Variants in PIKFYVE observed in about 807,000 individuals in gnomAD.
PIKFYVE encodes the protein 1-phosphatidylinositol 3-phosphate 5-kinase.
Under a neutral mutation model 257.9 loss-of-function variants are expected in PIKFYVE, and 122 were observed. That is an observed-to-expected ratio of 0.47 (90% CI 0.41 to 0.55). The LOEUF is 0.55. PIKFYVE is among the 20% of genes least tolerant of loss of function. The pLI is 0.00. For missense variants in PIKFYVE, 2,160 were observed against 2,536.6 expected, an observed-to-expected ratio of 0.85 and a Z score of 3.19; for synonymous variants, 892 against 868.9, an observed-to-expected ratio of 1.03 and a Z score of -0.47.
intron 11 of PIKFYVE, among the ~76,000 whole-genome samples, chr2:208,304,610 C>T (rs1013640645): frequency 1.3e-5 from 2 of 152,184 alleles, no homozygotes; most frequent in African/African-American, 4.8e-5. Flanking sequence ...ATCAGACTTT[C>T]TCTCTGCAGA....
intron 28 of PIKFYVE, among the ~76,000 whole-genome samples, chr2:208,337,606 T>G (rs1254842278): frequency 6.6e-6 from 1 of 152,098 alleles, no homozygotes; most frequent in African/African-American, 2.4e-5. Context: ...TCTAGATAGA[T>G]AGATATATCT....
Position 208,353,382 on chromosome 2 carries a change from C to T in PIKFYVE, c.5845-516C>T, listed in dbSNP as rs1272899973. ...GACCAGCATTGGTCTGTAGAATATA[C>T]TACAGGTTGTACTGGTCCTGGTACT... On this transcript the variant is annotated intron_variant, in intron 39 of 41. Coordinates refer to ENST00000264380, the MANE Select transcript of PIKFYVE (RefSeq NM_015040.4). Among the ~76,000 whole-genome samples, 3 of 152,234 alleles carry T rather than the reference C, an allele frequency of 2.0e-5. No individual in the cohort carries two copies. The East Asian group carries it at 5.8e-4, about 29-fold the overall frequency.
intron 37 of PIKFYVE, 111 bp downstream of exon 37, chr2:208,351,058 C>T: frequency 7.3e-7 from 1 of 1,368,628 alleles, no homozygotes; most frequent in Non-Finnish European, 1.0e-6. Flanking sequence ...CTATGACTTA[C>T]TAGTTTTAAC....
intron 2 of PIKFYVE, among the ~76,000 whole-genome samples, chr2:208,272,506 A>G (rs537486603): frequency 8.5e-5 from 13 of 152,214 alleles, no homozygotes; most frequent in Non-Finnish European, 1.8e-4. Flanking sequence ...TAAGGTGTAC[A>G]TGTAATGACA....
At chr2:208,267,470 A>G (rs1420130098) in intron 1 of PIKFYVE, among the ~76,000 whole-genome samples, 1 of 146,608 alleles carries the variant, frequency 6.8e-6, no homozygotes, top group Non-Finnish European at 1.5e-5. Flanking sequence ...AACATTTCCA[A>G]TATTCAGCTT....
In PIKFYVE at chr2:208,315,395, C is replaced by G. The variant is rs750240369; in HGVS notation, c.2007+22C>G. 4 of 1,612,364 alleles carry G rather than the reference C, an allele frequency of 2.5e-6. No individual in the cohort carries two copies. In the African/African-American group the frequency reaches 4.0e-5, roughly 16 times the overall value. On this transcript the variant is annotated intron_variant, in intron 15 of 41. Coordinates refer to ENST00000264380, the MANE Select transcript of PIKFYVE (RefSeq NM_015040.4). ...AAAAGTGAGCTCTGCTAATGTTTTA[C>G]TAATGCTAGGAACTGATGAGGCAGG...
rs1559156694 is a variant in PIKFYVE, at chr2:208,339,524, C to G, written c.4779C>G (p.Pro1593=). The change falls in exon 30 of 42, where the codon CCC becomes CCG. Residue 1593 remains proline, a synonymous_variant. Coordinates refer to ENST00000264380, the MANE Select transcript of PIKFYVE (RefSeq NM_015040.4). The part of the protein sequence containing the change: ...EVMSEQSVGG[P]PELDTASSSE... ...TGTCTGAACAGTCAGTGGGAGGGCC[C>G]CCTGAGCTAGATACAGCCAGCAGTT... 1 of 1,614,076 alleles carries G rather than the reference C, an allele frequency of 6.2e-7. No individual in the cohort carries two copies. Among genetic ancestry groups the G allele is most frequent in the Non-Finnish European group, 8.5e-7 (1 of 1,180,014 alleles).
In PIKFYVE at chr2:208,354,584, A is replaced by G. The variant is rs754152491; in HGVS notation, c.6120A>G (p.Thr2040=). ...LVVGIIDYIR[T]FTWDKKLEMV... is the part of the protein sequence containing the mutation. ...TCTACCCCCCAGATTATATTCGAAC[A>G]TTTACATGGGACAAAAAGCTTGAGA... The change falls in exon 41 of 42, where the codon ACA becomes ACG. Residue 2040 remains threonine (T), a synonymous_variant. Transcript: ENST00000264380. 1.9e-6 allele frequency: 3 copies of G among 1,612,772 alleles called. No homozygotes were observed. In the East Asian group the frequency reaches 6.7e-5, roughly 36 times the overall value.
chr2:208,354,512 C>A (rs1040934399), intron 40 of PIKFYVE, 59 bp from the exon 41 acceptor site: 16 of 1,400,244 alleles, frequency 1.1e-5, no homozygotes, highest in Non-Finnish European at 1.5e-5. Flanking sequence ...TTGCTGTTGT[C>A]ATTTGATTAT....
chr2:208,281,275 A>G lies in PIKFYVE; in HGVS notation c.613+3567A>G, dbSNP rs73983729. On this transcript the variant is annotated intron_variant, in intron 5 of 41. Transcript: ENST00000264380. Reference sequence around the variant, plus strand: ...TTTAGTGTAAGCCACCTTTTGGTCTATGTTTCAGCCAGTCATCTAAACAGA... The same window carrying G: ...TTTAGTGTAAGCCACCTTTTGGTCTGTGTTTCAGCCAGTCATCTAAACAGA... 1.6e-3 allele frequency among the ~76,000 whole-genome samples: 248 copies of G among 152,322 alleles called. 1 individual carries two copies. Among genetic ancestry groups the G allele is most frequent in the African/African-American group, 5.5e-3 (229 of 41,574 alleles).
chr2:208,304,748 TA>T, intron 11 of PIKFYVE, 97 bp from the exon 12 acceptor site: 2 of 1,237,024 alleles, frequency 1.6e-6, no homozygotes, highest in Non-Finnish European at 2.4e-6. Context: ...GCTTGTATAT[TA>T]AAAAAACATT....
In PIKFYVE at chr2:208,317,864, T is replaced by C; in HGVS notation, c.2008-3T>C. On this transcript the variant is annotated splice_region_variant and splice_polypyrimidine_tract_variant and intron_variant, in intron 15 of 41. Transcript: ENST00000264380. Reference sequence around the variant, plus strand: ...TTTATTGTTTTCTTAATTGTTCCATTAGATCCCAGGTGGAAAGAAGTTTGA... The same window carrying C: ...TTTATTGTTTTCTTAATTGTTCCATCAGATCCCAGGTGGAAAGAAGTTTGA... 6.2e-7 allele frequency: 1 copy of C among 1,609,504 alleles called. No homozygotes were observed. The highest frequency in any genetic ancestry group is 8.5e-7 in the Non-Finnish European group (1 of 1,175,740).
chr2:208,311,793 T>G (rs1029533783), intron 12 of PIKFYVE, among the ~76,000 whole-genome samples: 3 of 152,190 alleles, frequency 2.0e-5, no homozygotes, highest in African/African-American at 7.2e-5. Context: ...TGAAAAAAGT[T>G]TATATTGTTT....
chr2:208,329,182 TG>T (rs1697248899), intron 21 of PIKFYVE, among the ~76,000 whole-genome samples: 1 of 152,228 alleles, frequency 6.6e-6, no homozygotes, highest in South Asian at 2.1e-4. Flanking sequence ...CATAACTTCT[TG>T]TTTGGGGGCA....
chr2:208,276,739 T>G lies in PIKFYVE; in HGVS notation c.350T>G (p.Phe117Cys). 2 of 1,613,710 alleles carry G rather than the reference T, an allele frequency of 1.2e-6. No individual in the cohort carries two copies. Among genetic ancestry groups the G allele is most frequent in the Non-Finnish European group, 1.7e-6 (2 of 1,179,658 alleles). The change falls in exon 4 of 42, where the codon TTT (phenylalanine) becomes TGT (cysteine). Residue 117 changes from phenylalanine to cysteine, a missense_variant. Around this residue, in one of 12 missense-constraint regions of PIKFYVE, gnomAD observed 172 missense variants for 180.6 expected, o/e 0.95. Coordinates refer to ENST00000264380, the MANE Select transcript of PIKFYVE (RefSeq NM_015040.4). ...LDTRRKAEPT[F>C]GGHDPRTAVQ... ...ACAAGAAGGAAAGCAGAACCTACCT[T>G]TGGAGGTCATGACCCTCGTACAGCT... is the stretch of plus-strand genomic sequence containing the variant.
rs745495734 is a variant in PIKFYVE, at chr2:208,302,315, C to G, written c.1282C>G (p.Leu428Val). ...WLDCVSHHDQLFRDEYALYRP... is the reference protein window; with the variant it reads ...WLDCVSHHDQVFRDEYALYRP... ...GGATTGTGTTAGTCATCACGACCAG[C>G]TTTTCAGAGATGAGTATGCGCTGTA... is the stretch of plus-strand genomic sequence containing the variant. The change falls in exon 10 of 42, where the codon CTT becomes GTT. Residue 428 changes from leucine (L) to valine (V), a missense_variant. By Grantham distance (32) the Leu-to-Val change is conservative (BLOSUM62 1). Coordinates refer to ENST00000264380, the MANE Select transcript of PIKFYVE (RefSeq NM_015040.4). The G allele has an allele frequency of 2.2e-5, 35 of 1,613,992 alleles. No individual in the cohort carries two copies. The highest frequency in any genetic ancestry group is 3.0e-5 in the Non-Finnish European group (35 of 1,180,008).
In PIKFYVE at chr2:208,354,456, A is replaced by G. The variant is rs946968850; in HGVS notation, c.6107-115A>G. On this transcript the variant is annotated intron_variant, in intron 40 of 41. Coordinates refer to ENST00000264380, the MANE Select transcript of PIKFYVE (RefSeq NM_015040.4). The stretch of plus-strand genomic sequence containing the variant: ...TGAGAACAGCACTTGGCACATTGTT[A>G]GCACTCAATAAAAGTTAACTGTCAT... The G allele has an allele frequency of 4.0e-6, 4 of 1,011,976 alleles. No individual in the cohort carries two copies. The African/African-American group carries it at 4.8e-5, about 12-fold the overall frequency. 62.7% of individuals were successfully genotyped at this position (1,011,976 alleles called of 1,614,324 possible). A position where few individuals can be genotyped will look rare whatever the true frequency, so the allele number is the denominator to read the frequency against.
At chr2:208,280,957 C>T (rs1690728753) in intron 5 of PIKFYVE, among the ~76,000 whole-genome samples, 1 of 150,002 alleles carries the variant, frequency 6.7e-6, no homozygotes, top group Admixed American at 6.7e-5. Context: ...GCCTATTGGC[C>T]CCTGCCACCC....
At chr2:208,300,186 C>CT (rs1693509599) in intron 8 of PIKFYVE, among the ~76,000 whole-genome samples, 1 of 152,052 alleles carries the variant, frequency 6.6e-6, no homozygotes, top group South Asian at 2.1e-4. Context: ...AAGCTCATTA[C>CT]TAATGAGGGA....
Sources: gnomAD v4.1 joint callset for allele counts (sites outside exome capture counted in the v4.1 genomes callset) on GRCh38, gnomAD v4.1.1 for gene constraint, gnomAD v4.1.1 regional missense constraint, MANE v1.5 for transcripts, NCBI Gene and HGNC (gene_info 2026-07-23, HGNC 2026-07-21) for gene names.